ROBO2: variants seen among roughly 807,000 people sequenced by gnomAD.
ROBO2 encodes roundabout homolog 2.
ROBO2 carries 53 observed loss-of-function variants against 160.8 expected under a neutral mutation model. That is an observed-to-expected ratio of 0.33 (90% CI 0.26 to 0.41). ROBO2 has a LOEUF of 0.41. Among genes scored for constraint, ROBO2 ranks in the 10% least tolerant of loss-of-function variants. ROBO2 has a pLI of 1.00. For synonymous variants in ROBO2, 664 were observed against 611.7 expected (o/e 1.09, Z -1.26); for missense variants, 1,577 against 1,722.4 (o/e 0.92, Z 1.49).
intron 6 of ROBO2, among the ~76,000 whole-genome samples, chr3:77,528,498 C>T (rs569744057): frequency 6.6e-5 from 10 of 151,726 alleles, no homozygotes; most frequent in South Asian, 2.1e-4. Context: ...TCAGCAAACA[C>T]GGTAAATATA....
intron 2 of ROBO2, among the ~76,000 whole-genome samples, chr3:77,307,175 G>A (rs968977336): frequency 1.3e-5 from 2 of 152,122 alleles, no homozygotes; most frequent in Non-Finnish European, 2.9e-5. Context: ...ATGCATCCTG[G>A]CCTCGTTAAT....
chr3:77,143,357 G>A (rs1014454542), intron 2 of ROBO2, among the ~76,000 whole-genome samples: 2 of 151,338 alleles, frequency 1.3e-5, no homozygotes, highest in African/African-American at 2.4e-5. Flanking sequence ...ACCACACCCG[G>A]CTAATTTTTT....
intron 15 of ROBO2, among the ~76,000 whole-genome samples, chr3:77,578,184 T>A (rs1383873411): frequency 2.0e-5 from 3 of 152,162 alleles, no homozygotes; most frequent in Non-Finnish European, 4.4e-5. Context: ...TTTCAACTGA[T>A]GAATTTTTGG....
chr3:76,080,179 C>T (rs2068776128), intron 2 of ROBO2, among the ~76,000 whole-genome samples: 1 of 152,168 alleles, frequency 6.6e-6, no homozygotes, highest in African/African-American at 2.4e-5. Context: ...TTATAAGCCT[C>T]GGCCAGGATG....
chr3:76,451,079 A>C (rs1209922560), intron 2 of ROBO2, among the ~76,000 whole-genome samples: 1 of 152,068 alleles, frequency 6.6e-6, no homozygotes, highest in Non-Finnish European at 1.5e-5. Context: ...AGGTTGTGTA[A>C]CAGGATGAAA....
chr3:76,828,245 A>C (rs2066749907), intron 2 of ROBO2, among the ~76,000 whole-genome samples: 1 of 152,124 alleles, frequency 6.6e-6, no homozygotes, highest in African/African-American at 2.4e-5. Flanking sequence ...AATTATATAA[A>C]GTCTCTACCT....
intron 2 of ROBO2, among the ~76,000 whole-genome samples, chr3:75,970,313 C>A (rs2064957370): frequency 6.6e-6 from 1 of 151,454 alleles, no homozygotes; most frequent in South Asian, 2.1e-4. Context: ...GTTTATATTG[C>A]TTCATAAGGA....
chr3:76,714,810 C>T (rs1453591950), intron 2 of ROBO2, among the ~76,000 whole-genome samples: 4 of 152,098 alleles, frequency 2.6e-5, no homozygotes, highest in Non-Finnish European at 5.9e-5. Flanking sequence ...GATCAGTATC[C>T]GATGTGAAAT....
At chr3:76,327,908 G>A (rs999829300) in intron 2 of ROBO2, among the ~76,000 whole-genome samples, 4 of 152,096 alleles carry the variant, frequency 2.6e-5, no homozygotes, top group Non-Finnish European at 1.5e-5. Flanking sequence ...GGATAATGGG[G>A]AAGATCACTT....
chr3:77,584,436 A>T (rs1455561823), intron 16 of ROBO2, among the ~76,000 whole-genome samples: 1 of 152,166 alleles, frequency 6.6e-6, no homozygotes, highest in Admixed American at 6.5e-5. Flanking sequence ...TAGAGTTTAC[A>T]TGTTTTTAAA....
intron 2 of ROBO2, among the ~76,000 whole-genome samples, chr3:76,475,512 T>A (rs1696347093): frequency 6.6e-6 from 1 of 150,792 alleles, no homozygotes; most frequent in African/African-American, 2.4e-5. Context: ...ACTCTGCCAA[T>A]GAGGTTTGGA....
intron 2 of ROBO2, among the ~76,000 whole-genome samples, chr3:77,328,184 C>T (rs1431262383): frequency 1.3e-5 from 2 of 151,998 alleles, no homozygotes; most frequent in East Asian, 3.9e-4. Context: ...CCTCTTCCCT[C>T]CCAAAATTGC....
intron 2 of ROBO2, among the ~76,000 whole-genome samples, chr3:76,043,681 C>A (rs868734227): frequency 0.014 from 990 of 69,350 alleles, 12 homozygotes; most frequent in Middle Eastern, 0.12. Context: ...CAAACCAAAA[C>A]AAAAAAACAC....
intron 2 of ROBO2, among the ~76,000 whole-genome samples, chr3:77,220,483 TTA>T (rs1178907160): frequency 2.0e-5 from 3 of 152,030 alleles, no homozygotes; most frequent in Admixed American, 6.5e-5. Flanking sequence ...AAGTATTCAT[TTA>T]TATATGTCAT....
chr3:76,275,347 G>C (rs1576220205), intron 2 of ROBO2, among the ~76,000 whole-genome samples: 1 of 152,002 alleles, frequency 6.6e-6, no homozygotes, highest in African/African-American at 2.4e-5. Context: ...ACTAATGAGA[G>C]CACCTGTTTC....
At chr3:77,273,327 G>A (rs928393971) in intron 2 of ROBO2, among the ~76,000 whole-genome samples, 3 of 152,246 alleles carry the variant, frequency 2.0e-5, no homozygotes, top group East Asian at 1.9e-4. Flanking sequence ...AAAACTAAAT[G>A]CCACATGTTC....
intron 2 of ROBO2, among the ~76,000 whole-genome samples, chr3:76,681,269 G>A (rs1365687414): frequency 1.3e-5 from 2 of 152,270 alleles, no homozygotes; most frequent in African/African-American, 2.4e-5. Context: ...TTGAGTACAT[G>A]TGAGGGGAAA....
intron 2 of ROBO2, among the ~76,000 whole-genome samples, chr3:76,171,017 G>A (rs1385085434): frequency 6.6e-6 from 1 of 152,136 alleles, no homozygotes; most frequent in African/African-American, 2.4e-5. Context: ...AAGGGTTACT[G>A]TCCCATTAAA....
At chr3:77,315,752 G>A (rs1249333983) in intron 2 of ROBO2, among the ~76,000 whole-genome samples, 4 of 152,140 alleles carry the variant, frequency 2.6e-5, no homozygotes, top group African/African-American at 4.8e-5. Flanking sequence ...AGAATAATAA[G>A]AGTGACATTC....
Sources: allele counts gnomAD v4.1 joint callset (sites outside exome capture counted in the v4.1 genomes callset), GRCh38; gene constraint gnomAD v4.1.1; transcripts MANE v1.5; gene names NCBI Gene and HGNC (gene_info 2026-07-23, HGNC 2026-07-21).